TEX9: variants seen among roughly 807,000 people sequenced by gnomAD.
The protein encoded by TEX9 is testis expressed 9, also known as testis-expressed protein 9.
In TEX9, 74 loss-of-function variants were observed where a neutral mutation model predicts 59.6. The ratio of observed to expected loss-of-function variants is 1.24; its 90% CI spans 1.03 to 1.51. TEX9 has a LOEUF of 1.51. Ranked by LOEUF, TEX9 falls within the 40% of genes most tolerant of loss-of-function variation. The pLI is 0.00. For synonymous variants in TEX9, 186 were observed against 152.2 expected, an observed-to-expected ratio of 1.22 and a Z score of -1.64; for missense variants, 522 against 447.8, an observed-to-expected ratio of 1.17 and a Z score of -1.49.
intron 2 of TEX9, among the ~76,000 whole-genome samples, chr15:56,367,776 G>A (rs1424772247): frequency 6.6e-6 from 1 of 151,920 alleles, no homozygotes; most frequent in Non-Finnish European, 1.5e-5. Context: ...TTTGCTTCAA[G>A]GTACTGAATA....
intron 1 of TEX9, among the ~76,000 whole-genome samples, chr15:56,299,071 G>A (rs2045281417): frequency 6.6e-6 from 1 of 152,176 alleles, no homozygotes; most frequent in Non-Finnish European, 1.5e-5. Flanking sequence ...AAAATCAGGT[G>A]AGTGATCACA....
chr15:56,384,116 G>C, intron 4 of TEX9, 85 bp downstream of exon 4: 2 of 1,059,542 alleles, frequency 1.9e-6, no homozygotes, highest in Non-Finnish European at 2.8e-6. Context: ...TGCAAACATT[G>C]AAAAATCTAT....
intron 1 of TEX9, among the ~76,000 whole-genome samples, chr15:56,356,459 GT>G (rs748032199): frequency 5.9e-5 from 9 of 152,004 alleles, no homozygotes; most frequent in Non-Finnish European, 1.3e-4. Flanking sequence ...TTCTTCTGGT[GT>G]TTCAAAATAC....
At chr15:56,407,460 T>C (rs2049133632) in intron 9 of TEX9, among the ~76,000 whole-genome samples, 1 of 152,176 alleles carries the variant, frequency 6.6e-6, no homozygotes, top group Admixed American at 6.5e-5. Context: ...ATTTGTCCAC[T>C]TCATCTAAGT....
In TEX9 at chr15:56,428,652, A is replaced by C; in HGVS notation, c.*29+179A>C. 7.1e-6 allele frequency: 3 copies of C among 422,702 alleles called. 1 individual carries two copies. The highest frequency in any genetic ancestry group is 1.4e-4 in the South Asian group (2 of 14,578). 26.2% of individuals were successfully genotyped at this position (422,702 alleles called of 1,614,324 possible). A position where few individuals can be genotyped will look rare whatever the true frequency, so the allele number is the denominator to read the frequency against. On this transcript the variant is annotated intron_variant, in intron 12 of 12. Transcript: ENST00000352903. Reference sequence around the variant, plus strand: ...TAAGTTCTTAGCGTGACAATTAAGCACATCAGATAATAAAATTCTTGACTC... The same window carrying C: ...TAAGTTCTTAGCGTGACAATTAAGCCCATCAGATAATAAAATTCTTGACTC...
Position 56,391,288 on chromosome 15 carries a change from C to T in TEX9, c.441C>T (p.Ala147=), listed in dbSNP as rs201459727. The change falls in exon 7 of 13, where the codon GCC becomes GCT. Residue 147 remains alanine (A), a synonymous_variant. Coordinates refer to ENST00000352903, the Ensembl canonical transcript of TEX9. ...ATGTCCAAACTGCCGACGATGTTGC[C>T]ATTCCAGAGGATTTCTCAGACTTTT... The T allele has an allele frequency of 1.7e-5, 27 of 1,580,560 alleles. No individual in the cohort carries two copies. In the African/African-American group the frequency reaches 2.9e-4, roughly 17 times the overall value.
chr15:56,438,838 A>G (rs1300489821), intron 12 of TEX9, among the ~76,000 whole-genome samples: 4 of 152,320 alleles, frequency 2.6e-5, no homozygotes, highest in Non-Finnish European at 4.4e-5. Flanking sequence ...AAGGATATGA[A>G]TAGACACTTC....
chr15:56,460,003 A>AT, the TEX9 span, among the ~76,000 whole-genome samples: 2 of 32,860 alleles, frequency 6.1e-5, no homozygotes, highest in African/African-American at 2.3e-4. Flanking sequence ...AAAAAAAAAA[A>AT]AAAAAAATAC....
At chr15:56,279,773 T>A (rs770817784) in intron 1 of TEX9, among the ~76,000 whole-genome samples, 1 of 152,212 alleles carries the variant, frequency 6.6e-6, no homozygotes, top group Non-Finnish European at 1.5e-5. Flanking sequence ...ACAGACAAAT[T>A]TTCTTAGCAT....
chr15:56,254,323 A>G (rs2044095616), intron 1 of TEX9, among the ~76,000 whole-genome samples: 1 of 152,064 alleles, frequency 6.6e-6, no homozygotes, highest in Non-Finnish European at 1.5e-5. Flanking sequence ...AACAGGTTCT[A>G]TGAATAGGAC....
intron 6 of TEX9, among the ~76,000 whole-genome samples, chr15:56,390,003 A>G (rs2048132603): frequency 6.6e-6 from 1 of 151,832 alleles, no homozygotes; most frequent in Non-Finnish European, 1.5e-5. Context: ...TTATTTGTCT[A>G]TTACTTACCC....
chr15:56,328,693 C>T (rs1219494433), intron 1 of TEX9, among the ~76,000 whole-genome samples: 1 of 152,152 alleles, frequency 6.6e-6, no homozygotes, highest in African/African-American at 2.4e-5. Flanking sequence ...TGTGTCTCCT[C>T]TGCTTGTGGA....
intron 1 of TEX9, among the ~76,000 whole-genome samples, chr15:56,339,406 A>AAAAAAAAAAAAAAAAAG (rs2046329849): frequency 6.8e-6 from 1 of 147,318 alleles, no homozygotes; most frequent in Non-Finnish European, 1.5e-5. Context: ...AAAAAAAAAA[A>AAAAAAAAAAAAAAAAAG]AAAAAAAACA....
chr15:56,270,190 C>T (rs1475992904), intron 1 of TEX9, among the ~76,000 whole-genome samples: 3 of 152,072 alleles, frequency 2.0e-5, no homozygotes, highest in Admixed American at 1.3e-4. Flanking sequence ...AGTTTAAGTC[C>T]TGGATATCCT....
chr15:56,288,773 A>G (rs2045013069), intron 1 of TEX9, among the ~76,000 whole-genome samples: 1 of 152,110 alleles, frequency 6.6e-6, no homozygotes, highest in South Asian at 2.1e-4. Flanking sequence ...CTGCATATGT[A>G]TATATTTTCC....
rs1030918798 is a variant in TEX9, at chr15:56,424,959, C to T, written c.964-2646C>T. Among the ~76,000 whole-genome samples, 4 of 152,190 alleles carry T rather than the reference C, an allele frequency of 2.6e-5. No homozygotes were observed. In the Middle Eastern group the frequency reaches 0.01, roughly 388 times the overall value. On this transcript the variant is annotated intron_variant, in intron 10 of 12. Transcript: ENST00000352903. The stretch of plus-strand genomic sequence containing the variant: ...ATACAGTGGTAATGAAGTTCCTCAG[C>T]TCTTATCTAGGAATGTCTTAATTTC...
chr15:56,349,799 A>G (rs1420180164), intron 1 of TEX9, among the ~76,000 whole-genome samples: 2 of 150,916 alleles, frequency 1.3e-5, no homozygotes, highest in African/African-American at 4.9e-5. Flanking sequence ...ATATATATGT[A>G]TGTGTGTGCG....
intron 1 of TEX9, among the ~76,000 whole-genome samples, chr15:56,256,160 G>T (rs1248541862): frequency 6.6e-6 from 1 of 152,024 alleles, no homozygotes; most frequent in Non-Finnish European, 1.5e-5. Flanking sequence ...CCAGCATTAT[G>T]CTAAGTGATC....
intron 9 of TEX9, among the ~76,000 whole-genome samples, chr15:56,403,133 A>T (rs2048884667): frequency 6.6e-6 from 1 of 152,270 alleles, no homozygotes; most frequent in South Asian, 2.1e-4. Context: ...AGTTCTGGCC[A>T]GGGCCATCAG....
Sources: gnomAD v4.1 joint callset for allele counts (sites outside exome capture counted in the v4.1 genomes callset) on GRCh38, gnomAD v4.1.1 for gene constraint, MANE v1.5 for transcripts, NCBI Gene and HGNC (gene_info 2026-07-23, HGNC 2026-07-21) for gene names.